HDC: variants seen among roughly 807,000 people sequenced by gnomAD.
The protein encoded by HDC is histidine decarboxylase.
Under a neutral mutation model 64.4 loss-of-function variants are expected in HDC, and 27 were observed. That is an observed-to-expected ratio of 0.42 (90% CI 0.31 to 0.58). The LOEUF (loss-of-function observed/expected upper bound fraction) is 0.58, where lower values mean the gene tolerates loss of function less well. Among genes scored for constraint, HDC ranks in the 20% least tolerant of loss-of-function variants. HDC has a pLI of 0.16. For synonymous variants in HDC, 305 were observed against 314.2 expected, an observed-to-expected ratio of 0.97 and a Z score of 0.31; for missense variants, 711 against 833.9, an observed-to-expected ratio of 0.85 and a Z score of 1.81.
Position 50,248,958 on chromosome 15 carries a change from T to C in HDC, c.1042-615A>G, listed in dbSNP as rs2045518721. On this transcript the variant is annotated intron_variant, in intron 9 of 11. Coordinates refer to ENST00000267845, the MANE Select transcript of HDC (RefSeq NM_002112.4). The surrounding 1 kb of genome is among the most constrained non-coding windows in gnomAD (Gnocchi z 4.3). Reference sequence around the variant, plus strand: ...CCTCAGAAGAAGTTGTCAGTAGGTGTTGGCTATTTAGATTATTTTAAAATG... The same window carrying C: ...CCTCAGAAGAAGTTGTCAGTAGGTGCTGGCTATTTAGATTATTTTAAAATG... Among the ~76,000 whole-genome samples the C allele has an allele frequency of 1.3e-5, 2 of 152,184 alleles. No homozygotes were observed. The highest frequency in any genetic ancestry group is 2.1e-4 in the South Asian group (1 of 4,828).
chr15:50,256,990 T>C (rs750163819), intron 4 of HDC, among the ~76,000 whole-genome samples: 35 of 152,184 alleles, frequency 2.3e-4, no homozygotes, highest in Admixed American at 3.9e-4. Flanking sequence ...ATCCAGAAGA[T>C]AGGGTCAGAG....
Position 50,255,787 on chromosome 15 carries a change from C to T in HDC, c.442-1123G>A, listed in dbSNP as rs139606849. Among the ~76,000 whole-genome samples, 3 of 152,186 alleles carry T rather than the reference C, an allele frequency of 2.0e-5. No homozygotes were observed. In the East Asian group the frequency reaches 5.8e-4, roughly 29 times the overall value. ...TGCACTCCAGCCTGGGAGACAGAAC[C>T]AGGCCCTGTTTTTAAAAATAATAAT... On this transcript the variant is annotated intron_variant, in intron 4 of 11. Coordinates refer to ENST00000267845, the MANE Select transcript of HDC (RefSeq NM_002112.4).
In HDC at chr15:50,256,038, C is replaced by T. The variant is rs930035549; in HGVS notation, c.442-1374G>A. On this transcript the variant is annotated intron_variant, in intron 4 of 11. Transcript: ENST00000267845. ...TTAGACAGGCATCAGTTTGAATCCT[C>T]GTTCTTCCGCTTATCAGCTGTGTAA... Among the ~76,000 whole-genome samples the T allele has an allele frequency of 3.9e-5, 6 of 152,248 alleles. No individual in the cohort carries two copies. The East Asian group carries it at 7.7e-4, about 20-fold the overall frequency.
intron 4 of HDC, 103 bp downstream of exon 4, chr15:50,257,322 T>G: frequency 7.0e-7 from 1 of 1,432,488 alleles, no homozygotes; most frequent in East Asian, 2.3e-5. Context: ...GTGGGTAATG[T>G]GGGGGAAACT....
At chr15:50,250,483 T>C (rs1041035784) in intron 9 of HDC, among the ~76,000 whole-genome samples, 4 of 152,194 alleles carry the variant, frequency 2.6e-5, no homozygotes, top group African/African-American at 9.7e-5. Flanking sequence ...AACATTTTTA[T>C]GAGTTATCTG....
chr15:50,257,880 G>A (rs1324244455), intron 3 of HDC, among the ~76,000 whole-genome samples: 1 of 152,044 alleles, frequency 6.6e-6, no homozygotes. Context: ...TGTTTTCCTA[G>A]AAAAGATATG....
At position 50,252,516 on chromosome 15, in the gene HDC, T is replaced by G; in HGVS notation, c.955A>C (p.Lys319Gln). The G allele has an allele frequency of 6.2e-7, 1 of 1,614,224 alleles. No individual in the cohort carries two copies. Among genetic ancestry groups the G allele is most frequent in the Non-Finnish European group, 8.5e-7 (1 of 1,180,038 alleles). Reference sequence around the variant, plus strand: ...GTCTGCTGCAGCTTGTACTTGTCCTTGACCCTGTGGGTTTCCAAATGGGCA... The same window carrying G: ...GTCTGCTGCAGCTTGTACTTGTCCTGGACCCTGTGGGTTTCCAAATGGGCA... Reference protein sequence around the residue: ...VHFDCTGFWVKDKYKLQQTFS... With the variant: ...VHFDCTGFWVQDKYKLQQTFS... Residue 319 changes from lysine (K) to glutamine (Q), a missense_variant, in exon 9 of 12, where the codon AAG (lysine) becomes CAG (glutamine). Transcript: ENST00000267845.
intron 2 of HDC, among the ~76,000 whole-genome samples, chr15:50,262,739 T>A (rs971632597): frequency 6.6e-6 from 1 of 152,230 alleles, no homozygotes; most frequent in African/African-American, 2.4e-5. Flanking sequence ...CAACGCAACC[T>A]GGTCACCAGC....
chr15:50,243,523 G>T (rs1363465011), intron 10 of HDC, among the ~76,000 whole-genome samples: 1 of 152,182 alleles, frequency 6.6e-6, no homozygotes, highest in African/African-American at 2.4e-5. Context: ...CATGTGCTTT[G>T]CAGTCCAGGC....
intron 4 of HDC, among the ~76,000 whole-genome samples, chr15:50,256,206 C>T (rs1482787633): frequency 6.6e-6 from 1 of 152,168 alleles, no homozygotes; most frequent in African/African-American, 2.4e-5. Context: ...CATGTTCTCC[C>T]AAATATGATA....
intron 2 of HDC, among the ~76,000 whole-genome samples, chr15:50,261,597 A>G (rs2045702923): frequency 1.3e-5 from 2 of 148,928 alleles, no homozygotes; most frequent in South Asian, 4.2e-4. Flanking sequence ...CTTGGGCAAC[A>G]TAGCAAGACC....
intron 2 of HDC, 48 bp downstream of exon 2, chr15:50,263,186 CT>C (rs2045726290): frequency 6.3e-7 from 1 of 1,592,304 alleles, no homozygotes; most frequent in Non-Finnish European, 8.6e-7. Flanking sequence ...ACCACCCACC[CT>C]TCTGTGCCCT....
At chr15:50,258,242 T>C (rs2140939371) in intron 3 of HDC, among the ~76,000 whole-genome samples, 162 bp downstream of exon 3, 1 of 152,254 alleles carries the variant, frequency 6.6e-6, no homozygotes, top group South Asian at 2.1e-4. Flanking sequence ...GGTTAAAGGA[T>C]GTGATGAGAA....
intron 4 of HDC, 79 bp downstream of exon 4, chr15:50,257,346 G>C (rs566472816): frequency 1.6e-4 from 248 of 1,581,322 alleles, no homozygotes; most frequent in Admixed American, 3.3e-4. Flanking sequence ...TGGAGAACGG[G>C]AGAATTGCCA....
In HDC at chr15:50,244,318, T is replaced by G. The variant is rs999081936; in HGVS notation, c.1141-1074A>C. 2.5e-4 allele frequency among the ~76,000 whole-genome samples: 34 copies of G among 133,878 alleles called. No individual in the cohort carries two copies. The East Asian group carries it at 4.1e-3, about 16-fold the overall frequency. The allele number at this position is 133,878 out of a possible 152,430, so 87.8% of individuals were successfully genotyped here. On this transcript the variant is annotated intron_variant, in intron 10 of 11. Coordinates refer to ENST00000267845, the MANE Select transcript of HDC (RefSeq NM_002112.4). ...TTTTTTTTTTTTTTTTTTTGAGAGA[T>G]AGGGTCTTGCTTTGTCACACAGGCT...
intron 9 of HDC, among the ~76,000 whole-genome samples, chr15:50,250,783 T>C (rs2045543833): frequency 3.3e-5 from 5 of 152,198 alleles, no homozygotes; most frequent in Admixed American, 3.3e-4. Flanking sequence ...GAAAGAGCAG[T>C]GGAGATAAAG....
intron 7 of HDC, 46 bp downstream of exon 7, chr15:50,253,554 A>T (rs1008544508): frequency 1.3e-6 from 2 of 1,521,346 alleles, no homozygotes; most frequent in African/African-American, 1.4e-5. Context: ...GGAGACATTT[A>T]AAAATGTATT....
intron 9 of HDC, among the ~76,000 whole-genome samples, chr15:50,250,241 G>A (rs2045536757): frequency 1.3e-5 from 2 of 152,212 alleles, no homozygotes; most frequent in Non-Finnish European, 2.9e-5. Flanking sequence ...TCTGTTCAAA[G>A]CTGCAGCCAC....
chr15:50,259,051 A>C (rs1442540255), intron 2 of HDC, among the ~76,000 whole-genome samples: 4 of 151,988 alleles, frequency 2.6e-5, no homozygotes. Flanking sequence ...AGTCCCAGCT[A>C]CTCAGGAGGC....
Sources: allele counts gnomAD v4.1 joint callset (sites outside exome capture counted in the v4.1 genomes callset), GRCh38; gene constraint gnomAD v4.1.1; non-coding constraint Gnocchi (gnomAD v3.1); transcripts MANE v1.5; gene names NCBI Gene and HGNC (gene_info 2026-07-23, HGNC 2026-07-21).